The following GABRB1 variants were observed in gnomAD, a reference collection of about 807,000 sequenced individuals.
GABRB1 encodes gamma-aminobutyric acid type A receptor subunit beta1.
GABRB1 carries 17 observed loss-of-function variants against 51.6 expected under a neutral mutation model. That is an observed-to-expected ratio of 0.33 (90% CI 0.23 to 0.49). The LOEUF (loss-of-function observed/expected upper bound fraction) is 0.49. Ranked by LOEUF, GABRB1 falls within the 20% of genes least tolerant of loss-of-function variation. The probability of loss-of-function intolerance (pLI) is 0.99; values close to 1 mark genes in which losing one functional copy is unlikely to be tolerated. For missense variants in GABRB1, 410 were observed against 600.6 expected (o/e 0.68, Z 3.32); for synonymous variants, 247 against 218.9 (o/e 1.13, Z -1.14).
chr4:47,393,485 T>A (rs1220055051), intron 5 of GABRB1, among the ~76,000 whole-genome samples: 1 of 152,202 alleles, frequency 6.6e-6, no homozygotes, highest in Non-Finnish European at 1.5e-5. Flanking sequence ...CTACACTCAA[T>A]CCTGGCTACC....
intron 3 of GABRB1, among the ~76,000 whole-genome samples, chr4:47,035,467 A>G (rs186229468): frequency 1.5e-3 from 236 of 152,272 alleles, no homozygotes; most frequent in Non-Finnish European, 2.3e-3. Flanking sequence ...CAATAATATT[A>G]TTGATTAAAT....
intron 3 of GABRB1, among the ~76,000 whole-genome samples, chr4:47,151,775 A>T (rs1010599579): frequency 1.3e-5 from 2 of 152,050 alleles, no homozygotes; most frequent in African/African-American, 4.8e-5. Context: ...GAAGTTTATG[A>T]ATCATTATCT....
At chr4:47,120,506 C>G (rs1197179511) in intron 3 of GABRB1, among the ~76,000 whole-genome samples, 2 of 152,116 alleles carry the variant, frequency 1.3e-5, no homozygotes, top group African/African-American at 2.4e-5. Flanking sequence ...GGCAAAATCC[C>G]CTTTACTCTT....
intron 4 of GABRB1, among the ~76,000 whole-genome samples, chr4:47,284,511 C>T (rs1723432902): frequency 6.6e-6 from 1 of 152,218 alleles, no homozygotes; most frequent in Non-Finnish European, 1.5e-5. Flanking sequence ...AAGAATATGT[C>T]CATTTTATTT....
chr4:47,007,624 C>T (rs1338927023), intron 1 of GABRB1, among the ~76,000 whole-genome samples: 2 of 151,798 alleles, frequency 1.3e-5, no homozygotes, highest in African/African-American at 4.8e-5. Context: ...TTAAAGCATG[C>T]CAAATAAAGA....
At chr4:47,273,879 A>G (rs1722971146) in intron 4 of GABRB1, among the ~76,000 whole-genome samples, 1 of 151,786 alleles carries the variant, frequency 6.6e-6, no homozygotes, top group African/African-American at 2.4e-5. Context: ...ACACACACAC[A>G]CACACACACA....
At chr4:47,234,031 C>G (rs1203947832) in intron 4 of GABRB1, among the ~76,000 whole-genome samples, 1 of 152,050 alleles carries the variant, frequency 6.6e-6, no homozygotes, top group Non-Finnish European at 1.5e-5. Context: ...AAAATTTAAC[C>G]ACAGAATTTC....
chr4:47,377,048 A>T (rs867526770), intron 5 of GABRB1, among the ~76,000 whole-genome samples: 1 of 152,224 alleles, frequency 6.6e-6, no homozygotes, highest in African/African-American at 2.4e-5. Flanking sequence ...CAGGATAAAA[A>T]AAAAGGGTAG....
chr4:47,254,353 TTTTC>T (rs1722102974), intron 4 of GABRB1, among the ~76,000 whole-genome samples: 1 of 143,542 alleles, frequency 7.0e-6, no homozygotes, highest in South Asian at 2.2e-4. Context: ...ATGATGTTTC[TTTTC>T]TTTGTTTTTT....
rs548342072 is a variant in GABRB1, at chr4:47,020,762, A to G, written c.-19-11152A>G. 2.6e-5 allele frequency among the ~76,000 whole-genome samples: 4 copies of G among 152,328 alleles called. No individual in the cohort carries two copies. In the East Asian group the frequency reaches 7.7e-4, roughly 29 times the overall value. ...TTCCACCCTTGCCCTCTAATAGTCT[A>G]TATTCTAGAGTAGCTAGAGTGCTTC... On this transcript the variant is annotated intron_variant, in intron 1 of 3. Transcript: ENST00000513567.
At chr4:47,229,070 A>G (rs1721049985) in intron 4 of GABRB1, among the ~76,000 whole-genome samples, 1 of 152,052 alleles carries the variant, frequency 6.6e-6, no homozygotes, top group African/African-American at 2.4e-5. Context: ...ATGTGAAATA[A>G]TTTTCCCATG....
intron 4 of GABRB1, among the ~76,000 whole-genome samples, chr4:47,261,036 G>C (rs917429323): frequency 2.0e-5 from 3 of 152,136 alleles, no homozygotes; most frequent in Non-Finnish European, 4.4e-5. Flanking sequence ...ATTAGGTATT[G>C]ATGGGACAAA....
At chr4:47,334,028 A>C (rs1163358999) in intron 5 of GABRB1, among the ~76,000 whole-genome samples, 3 of 152,166 alleles carry the variant, frequency 2.0e-5, no homozygotes, top group East Asian at 3.9e-4. Flanking sequence ...CTTAGACACT[A>C]TCAGAGCAGA....
chr4:47,344,746 A>T lies in GABRB1; in HGVS notation c.544+24537A>T, dbSNP rs188678809. ...TTGTTTTTTGTTTTTTGTTTTTGAC[A>T]GAGTCTTGCTCTATCCCCCAGGCTG... On this transcript the variant is annotated intron_variant, in intron 5 of 8. Coordinates refer to ENST00000295454, the MANE Select transcript of GABRB1 (RefSeq NM_000812.4). Among the ~76,000 whole-genome samples the T allele has an allele frequency of 3.4e-3, 515 of 151,966 alleles. 2 individuals are homozygous for T. The highest frequency in any genetic ancestry group is 5.7e-3 in the Non-Finnish European group (388 of 67,976).
intron 4 of GABRB1, among the ~76,000 whole-genome samples, chr4:47,265,702 G>A (rs933675429): frequency 1.3e-5 from 2 of 152,090 alleles, no homozygotes; most frequent in East Asian, 1.9e-4. Flanking sequence ...GTGATGTTGA[G>A]CATTTTTTCA....
intron 4 of GABRB1, among the ~76,000 whole-genome samples, chr4:47,309,071 T>C (rs187798215): frequency 3.0e-4 from 46 of 152,272 alleles, no homozygotes; most frequent in African/African-American, 1.1e-3. Flanking sequence ...ATAGGAAGTA[T>C]TAAATATGGT....
chr4:47,241,582 A>T lies in GABRB1; in HGVS notation c.462-78545A>T, dbSNP rs1426588956. On this transcript the variant is annotated intron_variant, in intron 4 of 8. Coordinates refer to ENST00000295454, the MANE Select transcript of GABRB1 (RefSeq NM_000812.4). ...CTAAAATGCTGACAAGGGTTGGCTT[A>T]TCTTCTGATACATGCTGGAACAAAC... Among the ~76,000 whole-genome samples, 4 of 152,134 alleles carry T rather than the reference A, an allele frequency of 2.6e-5. No homozygotes were observed. The East Asian group carries it at 7.7e-4, about 29-fold the overall frequency.
chr4:47,354,993 T>TG (rs1726508545), intron 5 of GABRB1, among the ~76,000 whole-genome samples: 2 of 137,534 alleles, frequency 1.5e-5, no homozygotes, highest in African/African-American at 2.8e-5. Context: ...TTTTTTTTTT[T>TG]TTTTTTTTTT....
intron 4 of GABRB1, among the ~76,000 whole-genome samples, chr4:47,295,297 A>G (rs1723927356): frequency 6.6e-6 from 1 of 152,218 alleles, no homozygotes; most frequent in African/African-American, 2.4e-5. Flanking sequence ...GCTTCAGACG[A>G]TCAAACTACT....
Sources: allele counts gnomAD v4.1 joint callset (sites outside exome capture counted in the v4.1 genomes callset), GRCh38; gene constraint gnomAD v4.1.1; transcripts MANE v1.5; gene names NCBI Gene and HGNC (gene_info 2026-07-23, HGNC 2026-07-21).